POC1B: variants seen among roughly 807,000 people sequenced by gnomAD.
The protein encoded by POC1B is POC1 centriolar protein B.
In POC1B, 44 loss-of-function variants were observed where a neutral mutation model predicts 60.6. The observed-to-expected ratio is 0.73, with a 90% CI of 0.57 to 0.93. POC1B has a LOEUF of 0.93. POC1B is among the 40% of genes least tolerant of loss of function. POC1B has a pLI of 0.00. For synonymous variants in POC1B, 180 were observed against 198.9 expected (o/e 0.90, Z 0.80); for missense variants, 555 against 572.3 (o/e 0.97, Z 0.31).
intron 9 of POC1B, among the ~76,000 whole-genome samples, chr12:89,464,608 C>T (rs1015427914): frequency 6.7e-6 from 1 of 149,750 alleles, no homozygotes; most frequent in Non-Finnish European, 1.5e-5. Context: ...CTGCCTCAGC[C>T]TCCTGAGTAG....
intron 9 of POC1B, among the ~76,000 whole-genome samples, chr12:89,465,099 G>T (rs1372940915): frequency 6.6e-6 from 1 of 152,108 alleles, no homozygotes; most frequent in Non-Finnish European, 1.5e-5. Context: ...ATTTTTAGGG[G>T]TATACGTGAA....
chr12:89,487,850 AC>A (rs1868722311), intron 4 of POC1B, among the ~76,000 whole-genome samples: 2 of 152,002 alleles, frequency 1.3e-5, no homozygotes, highest in African/African-American at 4.8e-5. Flanking sequence ...TTTTCCTCAC[AC>A]AAATCTTGTT....
the POC1B span, among the ~76,000 whole-genome samples, chr12:89,403,842 A>G: frequency 3.3e-5 from 5 of 152,092 alleles, no homozygotes; most frequent in Non-Finnish European, 7.4e-5. Context: ...GAGTAAAATA[A>G]AAAATGTTGG....
At chr12:89,432,302 C>T (rs1881064470) in intron 10 of POC1B, among the ~76,000 whole-genome samples, 1 of 139,120 alleles carries the variant, frequency 7.2e-6, no homozygotes, top group African/African-American at 2.7e-5. Flanking sequence ...AGGACAATCA[C>T]TTGAACCTGG....
Position 89,445,100 on chromosome 12 carries a change from T to C in POC1B, c.1113+14538A>G, listed in dbSNP as rs368422869. Among the ~76,000 whole-genome samples, 4 of 152,084 alleles carry C rather than the reference T, an allele frequency of 2.6e-5. No individual in the cohort carries two copies. In the South Asian group the frequency reaches 8.3e-4, roughly 32 times the overall value. On this transcript the variant is annotated intron_variant, in intron 10 of 11. Transcript: ENST00000313546. ...AACTAGAAACCACTGCTCAACAAAATAAAAGAGGCCACAAATAAATGGAAG... is the reference window on the plus strand; with the variant it reads ...AACTAGAAACCACTGCTCAACAAAACAAAAGAGGCCACAAATAAATGGAAG...
At chr12:89,505,481 A>C (rs1869847469) in intron 2 of POC1B, among the ~76,000 whole-genome samples, 1 of 152,234 alleles carries the variant, frequency 6.6e-6, no homozygotes, top group Non-Finnish European at 1.5e-5. Flanking sequence ...CACTGTGTTA[A>C]ATTTTACTTA....
intron 1 of POC1B, chr12:89,525,627 C>T (rs1871404984): frequency 1.6e-6 from 2 of 1,280,838 alleles, no homozygotes; most frequent in African/African-American, 3.1e-5. Flanking sequence ...TTCTGGGGGC[C>T]GTGGGGCCGC....
At chr12:89,489,318 T>C (rs750884127) in intron 4 of POC1B, among the ~76,000 whole-genome samples, 1 of 152,210 alleles carries the variant, frequency 6.6e-6, no homozygotes, top group African/African-American at 2.4e-5. Flanking sequence ...ATTGAGAAGT[T>C]AGGTAACTTC....
chr12:89,503,888 G>A (rs548587263), intron 2 of POC1B, among the ~76,000 whole-genome samples: 5 of 147,512 alleles, frequency 3.4e-5, no homozygotes, highest in East Asian at 2.1e-4. Flanking sequence ...CCTGGCAGCC[G>A]CCCTGTCTGA....
intron 2 of POC1B, chr12:89,502,063 C>G: frequency 9.9e-7 from 1 of 1,006,902 alleles, no homozygotes; most frequent in South Asian, 1.3e-5. Context: ...GAATGTTCCC[C>G]TAAAGCCTCA....
At chr12:89,408,907 C>A in the POC1B span, among the ~76,000 whole-genome samples, 1 of 152,164 alleles carries the variant, frequency 6.6e-6, no homozygotes, top group African/African-American at 2.4e-5. Flanking sequence ...TGCTTGTTGG[C>A]TGCATAAATG....
At chr12:89,510,797 G>A (rs1473295454) in intron 2 of POC1B, among the ~76,000 whole-genome samples, 5 of 128,128 alleles carry the variant, frequency 3.9e-5, no homozygotes, top group South Asian at 2.5e-4. Flanking sequence ...TCATTCTGTC[G>A]CCCAGGCTAG....
intron 2 of POC1B, chr12:89,522,970 G>C (rs1353742923): frequency 1.2e-6 from 2 of 1,613,884 alleles, no homozygotes; most frequent in Admixed American, 3.3e-5. Context: ...AATAATGTTT[G>C]CTGGTACAGG....
chr12:89,497,067 T>G, intron 3 of POC1B, 104 bp downstream of exon 3: 10 of 1,175,292 alleles, frequency 8.5e-6, no homozygotes, highest in Non-Finnish European at 9.4e-6. Flanking sequence ...TTTATGTGAC[T>G]GAGAATAACA....
intron 10 of POC1B, among the ~76,000 whole-genome samples, chr12:89,444,755 G>C (rs1009847675): frequency 1.2e-4 from 19 of 152,166 alleles, no homozygotes; most frequent in Admixed American, 9.2e-4. Context: ...GTTCTGGCCA[G>C]GTCAATCAGG....
chr12:89,485,406 G>A (rs1478429443), intron 4 of POC1B: 1 of 152,182 alleles, frequency 6.6e-6, no homozygotes, highest in East Asian at 1.9e-4. Flanking sequence ...GCATGTTGTA[G>A]TGTACATAAA....
downstream of POC1B, among the ~76,000 whole-genome samples, chr12:89,418,262 AC>A (rs2120618875): frequency 6.6e-6 from 1 of 152,318 alleles, no homozygotes; most frequent in East Asian, 1.9e-4. Flanking sequence ...AGGAGGGAAC[AC>A]TTTGCTTCTT....
intron 6 of POC1B, 82 bp downstream of exon 6, chr12:89,471,532 C>A: frequency 8.6e-7 from 1 of 1,163,548 alleles, no homozygotes; most frequent in Admixed American, 1.8e-5. Context: ...AGTAAGACAG[C>A]CAAACCACAC....
rs770860408 is a variant in POC1B, at chr12:89,425,276, G to A, written c.1217C>T (p.Thr406Met). The A allele has an allele frequency of 3.6e-5, 58 of 1,613,778 alleles. No individual in the cohort carries two copies. Among genetic ancestry groups the A allele is most frequent in the Middle Eastern group, 3.3e-4 (2 of 6,084 alleles). The stretch of plus-strand genomic sequence containing the variant: ...ACTCATGTCTTCTGTTTTCTTTTTC[G>A]TGGTTGTTGGCAAACATTCTGGTGA... ...LMSPECLPTT[T>M]KKKTEDMSDL... is the part of the protein sequence containing the mutation. Residue 406 changes from threonine (T) to methionine (M), a missense_variant, in exon 11 of 12, where the codon ACG becomes ATG. Thr to Met is a moderately conservative substitution (Grantham distance 81). Transcript: ENST00000313546.
Sources: gnomAD v4.1 joint callset for allele counts (sites outside exome capture counted in the v4.1 genomes callset) on GRCh38, gnomAD v4.1.1 for gene constraint, MANE v1.5 for transcripts, NCBI Gene and HGNC (gene_info 2026-07-23, HGNC 2026-07-21) for gene names.